CYRIB: variants seen among roughly 807,000 people sequenced by gnomAD.
CYRIB encodes the protein CYFIP related Rac1 interactor B, also known as CYFIP-related Rac1 interactor B.
In CYRIB, 8 loss-of-function variants were observed where a neutral mutation model predicts 44.2. The ratio of observed to expected loss-of-function variants is 0.18; its 90% CI spans 0.11 to 0.33. CYRIB has a LOEUF of 0.33. CYRIB is among the 10% of genes least tolerant of loss of function. The pLI, the probability that CYRIB is intolerant of heterozygous loss-of-function variation, is 1.00. For synonymous variants in CYRIB, 131 were observed against 127.2 expected, an observed-to-expected ratio of 1.03 and a Z score of -0.20; for missense variants, 185 against 382.8, an observed-to-expected ratio of 0.48 and a Z score of 4.31.
intron 1 of CYRIB, among the ~76,000 whole-genome samples, chr8:129,924,720 A>G (rs1482053318): frequency 6.6e-6 from 1 of 152,052 alleles, no homozygotes. Flanking sequence ...TAATCCCAAC[A>G]ATCTGGGAGG....
At chr8:129,984,113 G>A (rs1323592226) in intron 1 of CYRIB, among the ~76,000 whole-genome samples, 2 of 152,224 alleles carry the variant, frequency 1.3e-5, no homozygotes, top group African/African-American at 2.4e-5. Context: ...CGCCAAGGCG[G>A]GGAACACCGC....
intron 1 of CYRIB, among the ~76,000 whole-genome samples, chr8:129,983,172 G>A (rs1163479477): frequency 1.3e-5 from 2 of 152,176 alleles, no homozygotes; most frequent in African/African-American, 4.8e-5. Flanking sequence ...AAGGCCGGGC[G>A]CAGTGGCTCA....
chr8:129,946,077 T>G (rs544787629), intron 2 of CYRIB, among the ~76,000 whole-genome samples: 2 of 152,370 alleles, frequency 1.3e-5, no homozygotes, highest in African/African-American at 2.4e-5. Context: ...ATGTCATTAT[T>G]GACTGTTAAC....
At chr8:129,915,658 T>G (rs779900785) in intron 1 of CYRIB, among the ~76,000 whole-genome samples, 1 of 152,170 alleles carries the variant, frequency 6.6e-6, no homozygotes, top group Non-Finnish European at 1.5e-5. Context: ...ATTAACTATG[T>G]TGAAGCTCCA....
chr8:129,848,864 G>T (rs977256346), intron 10 of CYRIB, among the ~76,000 whole-genome samples: 3 of 152,010 alleles, frequency 2.0e-5, no homozygotes, highest in African/African-American at 7.3e-5. Context: ...GAGCCAGCAC[G>T]CCCAGCAGCA....
chr8:129,868,722 T>C (rs1041844167), intron 4 of CYRIB: 2 of 152,004 alleles, frequency 1.3e-5, no homozygotes, highest in Non-Finnish European at 2.9e-5. Flanking sequence ...ATCCTATATA[T>C]AAACTTTTCT....
chr8:129,874,052 T>A (rs2058286171), intron 3 of CYRIB, among the ~76,000 whole-genome samples: 1 of 151,964 alleles, frequency 6.6e-6, no homozygotes, highest in East Asian at 1.9e-4. Flanking sequence ...AAAAGCTGTA[T>A]AAAACAAAGC....
At chr8:129,954,586 A>G (rs563709683) in intron 2 of CYRIB, among the ~76,000 whole-genome samples, 3 of 152,250 alleles carry the variant, frequency 2.0e-5, no homozygotes, top group African/African-American at 7.2e-5. Flanking sequence ...TCTGGATGAA[A>G]TGAACTAATT....
chr8:130,011,860 TA>T (rs768606211), intron 1 of CYRIB, among the ~76,000 whole-genome samples: 19 of 147,114 alleles, frequency 1.3e-4, no homozygotes, highest in South Asian at 8.6e-4. Flanking sequence ...TAAAAATAAT[TA>T]AAAAAAAAAA....
At chr8:129,877,617 C>G (rs1039761859) in intron 3 of CYRIB, among the ~76,000 whole-genome samples, 2 of 143,688 alleles carry the variant, frequency 1.4e-5, no homozygotes, top group African/African-American at 5.3e-5. Flanking sequence ...CCACTGCACT[C>G]TAGTCTGGGT....
intron 1 of CYRIB, among the ~76,000 whole-genome samples, chr8:129,920,978 G>A (rs2083262857): frequency 6.6e-6 from 1 of 152,000 alleles, no homozygotes; most frequent in Admixed American, 6.6e-5. Context: ...GCAAGAATAG[G>A]AAAAAAATTG....
intron 1 of CYRIB, among the ~76,000 whole-genome samples, chr8:129,988,143 T>C (rs1328618269): frequency 6.6e-6 from 1 of 152,118 alleles, no homozygotes; most frequent in East Asian, 1.9e-4. Context: ...GGTTTCATAG[T>C]CTCCTGTAAC....
At chr8:129,847,752 A>T (rs2040965547) in intron 10 of CYRIB, among the ~76,000 whole-genome samples, 1 of 152,214 alleles carries the variant, frequency 6.6e-6, no homozygotes, top group Non-Finnish European at 1.5e-5. Flanking sequence ...AATACAGCAG[A>T]AAGAACACAG....
rs572723428 is a variant in CYRIB at position 129,983,314 on chromosome 8, G to A, written c.-295-12319C>T. Among the ~76,000 whole-genome samples the A allele has an allele frequency of 4.6e-3, 707 of 152,152 alleles. 5 individuals carry two copies. Among genetic ancestry groups the A allele is most frequent in the Non-Finnish European group, 6.9e-3 (472 of 67,948 alleles). On this transcript the variant is annotated intron_variant, in intron 1 of 14. Transcript: ENST00000401979. The stretch of plus-strand genomic sequence containing the variant: ...CAAAAAATTAGCGAGGCGTGGTGGC[G>A]GGCGCCTGTAGTCCCAGCTACTCGG...
At chr8:129,911,406 T>C (rs2077942289) in intron 1 of CYRIB, among the ~76,000 whole-genome samples, 1 of 152,222 alleles carries the variant, frequency 6.6e-6, no homozygotes, top group South Asian at 2.1e-4. Flanking sequence ...TCTTGTTCAA[T>C]ATTTATTATA....
chr8:129,858,991 C>A (rs952568622), intron 5 of CYRIB, among the ~76,000 whole-genome samples: 1 of 152,198 alleles, frequency 6.6e-6, no homozygotes, highest in Non-Finnish European at 1.5e-5. Flanking sequence ...AGACACAAGA[C>A]AAAGATAAAA....
chr8:129,980,227 CAAAAA>C (rs58630436), intron 1 of CYRIB, among the ~76,000 whole-genome samples: 1 of 91,778 alleles, frequency 1.1e-5, no homozygotes, highest in Non-Finnish European at 2.3e-5. Flanking sequence ...GACTCCATCT[CAAAAA>C]AAAAAAAAAA....
chr8:129,957,732 G>A (rs1041358547), intron 2 of CYRIB, among the ~76,000 whole-genome samples: 5 of 152,172 alleles, frequency 3.3e-5, no homozygotes, highest in Non-Finnish European at 5.9e-5. Context: ...TTGGGAGGCC[G>A]AAGCAGGTGG....
In CYRIB at chr8:129,882,431, T is replaced by C. The variant is rs529046121; in HGVS notation, c.-10-2960A>G. On this transcript the variant is annotated intron_variant, in intron 2 of 11. Coordinates refer to ENST00000519824, the Ensembl canonical transcript of CYRIB. The stretch of plus-strand genomic sequence containing the variant: ...AATAAATATTGGCTGTTGCTGTAAT[T>C]AAAACCTAAATATCACAAAATAACC... Among the ~76,000 whole-genome samples, 3 of 152,324 alleles carry C rather than the reference T, an allele frequency of 2.0e-5. No homozygotes were observed. In the East Asian group the frequency reaches 5.8e-4, roughly 29 times the overall value.
Sources: gnomAD v4.1 joint callset for allele counts (sites outside exome capture counted in the v4.1 genomes callset) on GRCh38, gnomAD v4.1.1 for gene constraint, MANE v1.5 for transcripts, NCBI Gene and HGNC (gene_info 2026-07-23, HGNC 2026-07-21) for gene names.